Variants in CCDC73 observed in about 807,000 individuals in gnomAD.
CCDC73 encodes coiled-coil domain-containing protein 73.
Under a neutral mutation model 116.5 loss-of-function variants are expected in CCDC73, and 95 were observed. The observed-to-expected ratio is 0.82, with a 90% confidence interval of 0.69 to 0.97. The LOEUF is 0.97. CCDC73 is among the 50% of genes least tolerant of loss of function. CCDC73 has a pLI of 0.00. For synonymous variants in CCDC73, 398 were observed against 401.3 expected (o/e 0.99, Z 0.10); for missense variants, 1,066 against 1,206.8 (o/e 0.88, Z 1.73).
At chr11:32,721,041 C>T (rs1849985390) in intron 2 of CCDC73, among the ~76,000 whole-genome samples, 1 of 152,058 alleles carries the variant, frequency 6.6e-6, no homozygotes, top group Admixed American at 6.5e-5. Flanking sequence ...TTTTTTGAGA[C>T]ACAGTCTCGC....
At chr11:32,728,177 G>C (rs1378857015) in intron 2 of CCDC73, among the ~76,000 whole-genome samples, 1 of 152,034 alleles carries the variant, frequency 6.6e-6, no homozygotes, top group African/African-American at 2.4e-5. Flanking sequence ...CTTAAGCCCA[G>C]GAGGTCAAGA....
chr11:32,823,228 C>G, the CCDC73 span, among the ~76,000 whole-genome samples: 1 of 152,194 alleles, frequency 6.6e-6, no homozygotes, highest in Non-Finnish European at 1.5e-5. Context: ...AATCCCAGCA[C>G]TTTGGGAGGC....
At chr11:32,611,950 T>C (rs1348982620) in intron 16 of CCDC73, among the ~76,000 whole-genome samples, 1 of 152,212 alleles carries the variant, frequency 6.6e-6, no homozygotes, top group African/African-American at 2.4e-5. Context: ...CCTAAAGCAA[T>C]ACCTAATTAA....
intron 9 of CCDC73, among the ~76,000 whole-genome samples, chr11:32,661,243 CCT>C (rs1474846122): frequency 3.9e-5 from 6 of 151,974 alleles, no homozygotes; most frequent in Non-Finnish European, 8.8e-5. Flanking sequence ...AAAAATGTCC[CCT>C]TTTATTTTTT....
the CCDC73 span, among the ~76,000 whole-genome samples, chr11:32,807,313 T>G: frequency 1.3e-5 from 2 of 152,146 alleles, no homozygotes; most frequent in African/African-American, 4.8e-5. Context: ...CCTCACTCTT[T>G]CGGCCTGCAC....
chr11:32,619,216 G>T (rs1296911827), intron 14 of CCDC73, among the ~76,000 whole-genome samples: 1 of 152,144 alleles, frequency 6.6e-6, no homozygotes, highest in East Asian at 1.9e-4. Context: ...TTGCTTTTGA[G>T]AACTTAGTCA....
intron 1 of CCDC73, among the ~76,000 whole-genome samples, chr11:32,784,497 AAGG>A (rs1850610667): frequency 6.6e-6 from 1 of 152,226 alleles, no homozygotes; most frequent in South Asian, 2.1e-4. Flanking sequence ...GGATGTGAAG[AAGG>A]AGAAGTTAGA....
intron 9 of CCDC73, among the ~76,000 whole-genome samples, chr11:32,669,796 A>C (rs1004854883): frequency 6.6e-6 from 1 of 152,174 alleles, no homozygotes; most frequent in African/African-American, 2.4e-5. Flanking sequence ...ACAGTATCTT[A>C]TTCTTCTTCG....
At chr11:32,830,022 G>T in the CCDC73 span, 1 of 985,896 alleles carries the variant, frequency 1.0e-6, no homozygotes, top group South Asian at 4.7e-5. Context: ...CCAGGTTTGC[G>T]CGCGGGGGCC....
intron 14 of CCDC73, among the ~76,000 whole-genome samples, chr11:32,618,327 C>T (rs1436048550): frequency 1.3e-5 from 2 of 152,104 alleles, no homozygotes; most frequent in Admixed American, 6.5e-5. Context: ...GTGAACAGTG[C>T]TGCAATGAAC....
At chr11:32,610,403 G>A (rs1438204833) in intron 17 of CCDC73, among the ~76,000 whole-genome samples, 1 of 152,088 alleles carries the variant, frequency 6.6e-6, no homozygotes. Flanking sequence ...TATTTAGAAA[G>A]GAAAATAAAA....
chr11:32,747,245 A>T (rs963111404), intron 2 of CCDC73, among the ~76,000 whole-genome samples: 1 of 152,154 alleles, frequency 6.6e-6, no homozygotes, highest in Non-Finnish European at 1.5e-5. Context: ...TTGCCTGGGT[A>T]TCACCAGTGG....
chr11:32,686,258 A>G (rs1856200173), intron 6 of CCDC73, among the ~76,000 whole-genome samples: 1 of 149,654 alleles, frequency 6.7e-6, no homozygotes, highest in South Asian at 2.1e-4. Flanking sequence ...GAGAGTTGTC[A>G]TTAACAAGGA....
the CCDC73 span, chr11:32,830,202 G>C: frequency 9.3e-7 from 1 of 1,069,932 alleles, no homozygotes; most frequent in Non-Finnish European, 1.1e-6. Context: ...GGACCTCGGC[G>C]GGGAGGGGGT....
chr11:32,824,638 T>C, the CCDC73 span, among the ~76,000 whole-genome samples: 2 of 152,170 alleles, frequency 1.3e-5, no homozygotes, highest in Non-Finnish European at 2.9e-5. Flanking sequence ...GCAGCAAAAA[T>C]ACAAACATGG....
intron 2 of CCDC73, among the ~76,000 whole-genome samples, chr11:32,737,362 TC>T (rs768345224): frequency 6.6e-6 from 1 of 151,094 alleles, no homozygotes; most frequent in Non-Finnish European, 1.5e-5. Context: ...ACACCCATAA[TC>T]CCAGCACTTT....
At chr11:32,767,501 C>A (rs367892272) in intron 1 of CCDC73, among the ~76,000 whole-genome samples, 7,570 of 152,164 alleles carry the variant, frequency 0.05, 209 homozygotes, top group African/African-American at 0.071. Context: ...AGTTTCTGCA[C>A]AGCAAAAGAA....
At chr11:32,603,660 A>G (rs1028479899) in intron 17 of CCDC73, 1 of 152,188 alleles carries the variant, frequency 6.6e-6, no homozygotes, top group Non-Finnish European at 1.5e-5. Context: ...GATGTTTGAT[A>G]TATCTCCTAC....
At chr11:32,779,356 CAACTT>C (rs2133394854) in intron 1 of CCDC73, among the ~76,000 whole-genome samples, 1 of 149,984 alleles carries the variant, frequency 6.7e-6, no homozygotes, top group Non-Finnish European at 1.5e-5. Context: ...ATAGAAAACA[CAACTT>C]AAGCTGACTT....
Sources: allele counts gnomAD v4.1 joint callset (sites outside exome capture counted in the v4.1 genomes callset), GRCh38; gene constraint gnomAD v4.1.1; transcripts MANE v1.5; gene names NCBI Gene and HGNC (gene_info 2026-07-23, HGNC 2026-07-21).